The following MYCN variants were observed in gnomAD, a reference collection of about 807,000 sequenced individuals.
MYCN encodes the protein N-myc proto-oncogene protein.
Under a neutral mutation model 28.1 loss-of-function variants are expected in MYCN, and 3 were observed. The ratio of observed to expected loss-of-function variants is 0.11; its 90% CI spans 0.05 to 0.28. The LOEUF (loss-of-function observed/expected upper bound fraction) is 0.28. Ranked by LOEUF, MYCN falls within the 10% of genes least tolerant of loss-of-function variation. MYCN has a pLI of 1.00. For synonymous variants in MYCN, 326 were observed against 288.3 expected, an observed-to-expected ratio of 1.13 and a Z score of -1.32; for missense variants, 572 against 651.4, an observed-to-expected ratio of 0.88 and a Z score of 1.33.
At position 15,942,198 on chromosome 2, in the gene MYCN, C is replaced by T. The variant is rs747568578; in HGVS notation, c.134C>T (p.Pro45Leu). ...FYFGGPDSTPPGEDIWKKFEL... is the reference protein window; with the variant it reads ...FYFGGPDSTPLGEDIWKKFEL... ...TTCGGCGGCCCCGACTCGACCCCCC[C>T]GGGGGAGGACATCTGGAAGAAGTTT... The change falls in exon 2 of 3, where the codon CCG (proline) becomes CTG (leucine). Residue 45 changes from proline (P) to leucine (L), a missense_variant. Physicochemically the swap from Pro to Leu is moderately conservative, Grantham distance 98. This residue lies in a region of MYCN where 499 missense variants were observed against 524.3 expected (regional missense o/e 0.95). Coordinates refer to ENST00000281043, the MANE Select transcript of MYCN (RefSeq NM_005378.6). The surrounding 1 kb of genome is among the most constrained non-coding windows in gnomAD (Gnocchi z 7.0). 2 of 1,613,512 alleles carry T rather than the reference C, an allele frequency of 1.2e-6. No homozygotes were observed. Among genetic ancestry groups the T allele is most frequent in the South Asian group, 1.1e-5 (1 of 91,092 alleles).
chr2:15,945,423 T>A lies in MYCN; in HGVS notation c.791-70T>A. 6.6e-7 allele frequency: 1 copy of A among 1,518,854 alleles called. No individual in the cohort carries two copies. Among genetic ancestry groups the A allele is most frequent in the Non-Finnish European group, 8.9e-7 (1 of 1,118,240 alleles). 94.1% of individuals were successfully genotyped at this position (1,518,854 alleles called of 1,614,324 possible). A position where few individuals can be genotyped will look rare whatever the true frequency, so the allele number is the denominator to read the frequency against. On this transcript the variant is annotated intron_variant, in intron 2 of 2. Transcript: ENST00000281043. The surrounding 1 kb of genome is among the most constrained non-coding windows in gnomAD (Gnocchi z 4.8). ...GGAAGAGACAGATAAGCATACATAT[T>A]AACATGGATATATATGTGAATTTCA...
chr2:15,943,250 C>A (rs1456601052), intron 2 of MYCN, among the ~76,000 whole-genome samples: 3 of 151,962 alleles, frequency 2.0e-5, no homozygotes, highest in African/African-American at 7.3e-5. Context: ...AACCTGTTAG[C>A]GCAGGGGTGA....
Position 15,945,367 on chromosome 2 carries a change from C to A in MYCN, c.791-126C>A. 9.4e-7 allele frequency: 1 copy of A among 1,060,100 alleles called. No individual in the cohort carries two copies. The highest frequency in any genetic ancestry group is 1.4e-6 in the Non-Finnish European group (1 of 705,680). The allele number at this position is 1,060,100 out of a possible 1,614,324, so 65.7% of individuals were successfully genotyped here. A position where few individuals can be genotyped will look rare whatever the true frequency, so the allele number is the denominator to read the frequency against. ...ACTGTCCACATCTATGTTGATGGACCCATAAAAATAGCAGTCTGCCAGGGT... is the reference window on the plus strand; with the variant it reads ...ACTGTCCACATCTATGTTGATGGACACATAAAAATAGCAGTCTGCCAGGGT... On this transcript the variant is annotated intron_variant, in intron 2 of 2. Transcript: ENST00000281043. The surrounding 1 kb of genome is among the most constrained non-coding windows in gnomAD (Gnocchi z 4.8).
In MYCN at chr2:15,946,951, T is replaced by A. The variant is rs1662889890; in HGVS notation, c.*854T>A. 1 of 207,028 alleles carries A rather than the reference T, an allele frequency of 4.8e-6. No homozygotes were observed. The highest frequency in any genetic ancestry group is 9.9e-6 in the Non-Finnish European group (1 of 101,198). The allele number at this position is 207,028 out of a possible 1,614,324, so 12.8% of individuals were successfully genotyped here. ...AAATGTATATATTTAGTGCTGCATC[T>A]TATAGCACTTTGAAATACCTCATGT... On this transcript the variant is annotated 3_prime_UTR_variant, in exon 3 of 3. Transcript: ENST00000281043.
intron 1 of MYCN, 170 bp downstream of exon 1, chr2:15,940,913 T>G: frequency 2.5e-6 from 1 of 396,856 alleles, no homozygotes; most frequent in Non-Finnish European, 4.4e-6. Flanking sequence ...GAAAAGCCAG[T>G]TCCAGCCCCG....
At position 15,946,045 on chromosome 2, in the gene MYCN, A is replaced by G. The variant is rs2103332016; in HGVS notation, c.1343A>G (p.Gln448Arg). 1.2e-6 allele frequency: 2 copies of G among 1,614,232 alleles called. No homozygotes were observed. The highest frequency in any genetic ancestry group is 1.7e-6 in the Non-Finnish European group (2 of 1,180,038). The change falls in exon 3 of 3, where the codon CAG becomes CGG. Residue 448 changes from glutamine (Q) to arginine (R), a missense_variant. By Grantham distance (43) the Gln-to-Arg change is conservative (BLOSUM62 1). This residue lies in a region of MYCN where 61 missense variants were observed against 81.6 expected (regional missense o/e 0.75). Coordinates refer to ENST00000281043, the MANE Select transcript of MYCN (RefSeq NM_005378.6). Reference protein sequence around the residue: ...HQLLLEKEKLQARQQQLLKKI... With the variant: ...HQLLLEKEKLRARQQQLLKKI... ...CTTTTGCTGGAAAAGGAAAAATTGC[A>G]GGCAAGACAGCAGCAGTTGCTAAAG... is the stretch of plus-strand genomic sequence containing the variant.
Position 15,946,339 on chromosome 2 carries a change from G to T in MYCN, c.*242G>T. 1 of 567,608 alleles carries T rather than the reference G, an allele frequency of 1.8e-6. No homozygotes were observed. The highest frequency in any genetic ancestry group is 3.1e-6 in the Non-Finnish European group (1 of 318,664). The allele number at this position is 567,608 out of a possible 1,614,324, so 35.2% of individuals were successfully genotyped here. A position where few individuals can be genotyped will look rare whatever the true frequency, so the allele number is the denominator to read the frequency against. ...CCTCACCTCCATGACAGCGCTAAAC[G>T]TTGGTGACGGTTGGGAGCCTCTGGG... On this transcript the variant is annotated 3_prime_UTR_variant, in exon 3 of 3. Transcript: ENST00000281043.
At chr2:15,944,152 C>T (rs1662795860) in intron 2 of MYCN, among the ~76,000 whole-genome samples, 1 of 152,170 alleles carries the variant, frequency 6.6e-6, no homozygotes, top group South Asian at 2.1e-4. Context: ...AAAACATTGG[C>T]TTAAAGGGAC....
At position 15,942,420 on chromosome 2, in the gene MYCN, G is replaced by A. The variant is rs769152073; in HGVS notation, c.356G>A (p.Gly119Asp). Residue 119 changes from glycine to aspartate, a missense_variant, in exon 2 of 3, where the codon GGC becomes GAC. Transcript: ENST00000281043. This position sits in a 1 kb window ranked among gnomAD's most constrained non-coding sequence, Gnocchi z 7.0. ...PVILQDCMWSGFSAREKLERA... is the reference protein window; with the variant it reads ...PVILQDCMWSDFSAREKLERA... ...ATCCTCCAGGACTGCATGTGGAGCG[G>A]CTTCTCCGCCCGCGAGAAGCTGGAG... 5 of 1,602,710 alleles carry A rather than the reference G, an allele frequency of 3.1e-6. No homozygotes were observed. The South Asian group carries it at 4.4e-5, about 14-fold the overall frequency.
rs1391807181 is a variant in MYCN at position 15,945,430 on chromosome 2, G to C, written c.791-63G>C. ...ACAGATAAGCATACATATTAACATGGATATATATGTGAATTTCATTCAAAT... is the reference window on the plus strand; with the variant it reads ...ACAGATAAGCATACATATTAACATGCATATATATGTGAATTTCATTCAAAT... On this transcript the variant is annotated intron_variant, in intron 2 of 2. Transcript: ENST00000281043. The surrounding 1 kb of genome is among the most constrained non-coding windows in gnomAD (Gnocchi z 4.8). 6.5e-7 allele frequency: 1 copy of C among 1,529,292 alleles called. No homozygotes were observed. Among genetic ancestry groups the C allele is most frequent in the African/African-American group, 1.4e-5 (1 of 72,610 alleles). The allele number at this position is 1,529,292 out of a possible 1,614,324, so 94.7% of individuals were successfully genotyped here.
rs1662678167 is a variant in MYCN, at chr2:15,941,723, T to A, written c.-117-225T>A. 2.3e-6 allele frequency: 1 copy of A among 430,734 alleles called. No individual in the cohort carries two copies. Among genetic ancestry groups the A allele is most frequent in the Non-Finnish European group, 4.2e-6 (1 of 236,726 alleles). 26.7% of individuals were successfully genotyped at this position (430,734 alleles called of 1,614,324 possible). ...GTTGCGGAGCCTCGCCACCACCCCC[T>A]GCATCTGCATGCCCCCTCCCACCCC... is the stretch of plus-strand genomic sequence containing the variant. On this transcript the variant is annotated intron_variant, in intron 1 of 2. Transcript: ENST00000281043. The surrounding 1 kb of genome is among the most constrained non-coding windows in gnomAD (Gnocchi z 4.8).
At position 15,945,253 on chromosome 2, in the gene MYCN, G is replaced by A. The variant is rs1404058813; in HGVS notation, c.791-240G>A. Among the ~76,000 whole-genome samples the A allele has an allele frequency of 6.6e-6, 1 of 151,996 alleles. No individual in the cohort carries two copies. Among genetic ancestry groups the A allele is most frequent in the African/African-American group, 2.4e-5 (1 of 41,374 alleles). Reference sequence around the variant, plus strand: ...CATCTCAGGTGATCTGCCCGCCTCCGCTTCCCAAAGTGCTGGGATTACAGG... The same window carrying A: ...CATCTCAGGTGATCTGCCCGCCTCCACTTCCCAAAGTGCTGGGATTACAGG... On this transcript the variant is annotated intron_variant, in intron 2 of 2. Coordinates refer to ENST00000281043, the MANE Select transcript of MYCN (RefSeq NM_005378.6). The surrounding 1 kb of genome is among the most constrained non-coding windows in gnomAD (Gnocchi z 4.8).
At position 15,945,707 on chromosome 2, in the gene MYCN, C is replaced by A. The variant is rs753519523; in HGVS notation, c.1005C>A (p.Pro335=). ...ACCAGCAGCACAACTATGCCGCCCC[C>A]TCTCCCTACGTGGAGAGTGAGGATG... ...PIHQQHNYAA[P]SPYVESEDAP... The change falls in exon 3 of 3, where the codon CCC becomes CCA. Residue 335 remains proline, a synonymous_variant. Transcript: ENST00000281043. The surrounding 1 kb of genome is among the most constrained non-coding windows in gnomAD (Gnocchi z 4.8). The A allele has an allele frequency of 6.2e-7, 1 of 1,614,104 alleles. No homozygotes were observed. The highest frequency in any genetic ancestry group is 1.1e-5 in the South Asian group (1 of 91,082).
At chr2:15,944,335 G>A (rs373285318) in intron 2 of MYCN, among the ~76,000 whole-genome samples, 1 of 152,140 alleles carries the variant, frequency 6.6e-6, no homozygotes, top group Non-Finnish European at 1.5e-5. Context: ...GGAAGAATGC[G>A]CACATGATGC....
rs1046736721 is a variant in MYCN, at chr2:15,941,781, C to A, written c.-117-167C>A. The A allele has an allele frequency of 1.9e-6, 1 of 519,312 alleles. No individual in the cohort carries two copies. The highest frequency in any genetic ancestry group is 2.1e-5 in the South Asian group (1 of 48,068). 32.2% of individuals were successfully genotyped at this position (519,312 alleles called of 1,614,324 possible). A position where few individuals can be genotyped will look rare whatever the true frequency, so the allele number is the denominator to read the frequency against. On this transcript the variant is annotated intron_variant, in intron 1 of 2. Coordinates refer to ENST00000281043, the MANE Select transcript of MYCN (RefSeq NM_005378.6). This position sits in a 1 kb window ranked among gnomAD's most constrained non-coding sequence, Gnocchi z 4.8. ...AGACAGCTTGTACACAAAAGGAGGGCGGGAGGGAGGGAGCGAGAGGCACAA... is the reference window on the plus strand; with the variant it reads ...AGACAGCTTGTACACAAAAGGAGGGAGGGAGGGAGGGAGCGAGAGGCACAA...
rs2103330819 is a variant in MYCN at position 15,945,667 on chromosome 2, G to A, written c.965G>A (p.Arg322Gln). 3 of 1,614,120 alleles carry A rather than the reference G, an allele frequency of 1.9e-6. No individual in the cohort carries two copies. Among genetic ancestry groups the A allele is most frequent in the Middle Eastern group, 1.7e-4 (1 of 6,060 alleles). The change falls in exon 3 of 3, where the codon CGA becomes CAA. Residue 322 changes from arginine (R) to glutamine (Q), a missense_variant. Around this residue, in one of 3 missense-constraint regions of MYCN, gnomAD observed 499 missense variants for 524.3 expected, o/e 0.95. Coordinates refer to ENST00000281043, the MANE Select transcript of MYCN (RefSeq NM_005378.6). The surrounding 1 kb of genome is among the most constrained non-coding windows in gnomAD (Gnocchi z 4.8). ...CAGTCCAGCGAGCTGATCCTCAAAC[G>A]ATGCCTTCCCATCCACCAGCAGCAC... ...RAQSSELILK[R>Q]CLPIHQQHNY...
rs1311546727 is a variant in MYCN, at chr2:15,942,081, C to T, written c.17C>T (p.Thr6Met). 3 of 1,613,830 alleles carry T rather than the reference C, an allele frequency of 1.9e-6. No individual in the cohort carries two copies. Among genetic ancestry groups the T allele is most frequent in the South Asian group, 2.2e-5 (2 of 91,084 alleles). Reference sequence around the variant, plus strand: ...GGCGAGCCGATGCCGAGCTGCTCCACGTCCACCATGCCGGGCATGATCTGC... The same window carrying T: ...GGCGAGCCGATGCCGAGCTGCTCCATGTCCACCATGCCGGGCATGATCTGC... MPSCS[T>M]STMPGMICKN... Residue 6 changes from threonine (T) to methionine (M), a missense_variant, in exon 2 of 3, where the codon ACG becomes ATG. Coordinates refer to ENST00000281043, the MANE Select transcript of MYCN (RefSeq NM_005378.6). The surrounding 1 kb of genome is among the most constrained non-coding windows in gnomAD (Gnocchi z 7.0).
Position 15,945,914 on chromosome 2 carries a change from C to T in MYCN, c.1212C>T (p.Leu404=). Residue 404 remains leucine (L), a synonymous_variant, in exon 3 of 3, where the codon CTC becomes CTT. Transcript: ENST00000281043. This position sits in a 1 kb window ranked among gnomAD's most constrained non-coding sequence, Gnocchi z 4.8. ...ACCTTCGGTCCAGCTTTCTCACGCTCAGGGACCACGTGCCGGAGTTGGTAA... is the reference window on the plus strand; with the variant it reads ...ACCTTCGGTCCAGCTTTCTCACGCTTAGGGACCACGTGCCGGAGTTGGTAA... ...RNDLRSSFLT[L]RDHVPELVKN... 1 of 1,614,134 alleles carries T rather than the reference C, an allele frequency of 6.2e-7. No homozygotes were observed. The highest frequency in any genetic ancestry group is 1.1e-5 in the South Asian group (1 of 91,074).
At chr2:15,940,948 C>G (rs1572215112) in intron 1 of MYCN, 2 of 395,330 alleles carry the variant, frequency 5.1e-6, no homozygotes, top group East Asian at 7.2e-5. Context: ...AGAGGAGACC[C>G]GCCCTAATCC....
Sources: gnomAD v4.1 joint callset for allele counts (sites outside exome capture counted in the v4.1 genomes callset) on GRCh38, gnomAD v4.1.1 for gene constraint, gnomAD v4.1.1 regional missense constraint, Gnocchi (gnomAD v3.1) non-coding constraint, MANE v1.5 for transcripts, NCBI Gene and HGNC (gene_info 2026-07-23, HGNC 2026-07-21) for gene names.